APOH: variants seen among roughly 807,000 people sequenced by gnomAD.
APOH encodes the protein beta-2-glycoprotein 1.
APOH carries 48 observed loss-of-function variants against 39.8 expected under a neutral mutation model. The ratio of observed to expected loss-of-function variants is 1.21; its 90% CI spans 0.96 to 1.54. The LOEUF (loss-of-function observed/expected upper bound fraction) is 1.54. APOH is among the 40% of genes most tolerant of loss of function. The probability of loss-of-function intolerance (pLI) is 0.00; values close to 1 mark genes in which losing one functional copy is unlikely to be tolerated. For synonymous variants in APOH, 153 were observed against 151.1 expected (o/e 1.01, Z -0.09); for missense variants, 415 against 421.2 (o/e 0.99, Z 0.13).
Position 66,222,567 on chromosome 17 carries a change from C to CTTTTTTTT in APOH, c.415+1123_415+1130dup, listed in dbSNP as rs1178795590. 3.7e-4 allele frequency among the ~76,000 whole-genome samples: 31 copies of CTTTTTTTT among 84,876 alleles called. 1 individual carries two copies. Among genetic ancestry groups the CTTTTTTTT allele is most frequent in the Non-Finnish European group, 4.2e-4 (19 of 45,310 alleles). 55.7% of individuals were successfully genotyped at this position (84,876 alleles called of 152,430 possible). ...TTGAAATTGCTTTACTTTCCACTTG[C>CTTTTTTTT]TTTTTTTTTTTTTTTTTTTTTGAGA... On this transcript the variant is annotated intron_variant, in intron 4 of 7. Transcript: ENST00000205948.
intron 1 of APOH, among the ~76,000 whole-genome samples, chr17:66,228,940 C>A (rs2073456487): frequency 6.6e-6 from 1 of 151,972 alleles, no homozygotes; most frequent in Non-Finnish European, 1.5e-5. Flanking sequence ...TCAAGCAATT[C>A]TCCTGCCTCA....
intron 2 of APOH, among the ~76,000 whole-genome samples, chr17:66,226,747 C>T (rs1433746096): frequency 6.6e-6 from 1 of 151,920 alleles, no homozygotes; most frequent in Non-Finnish European, 1.5e-5. Flanking sequence ...TGTGGAGATA[C>T]AATTTTTATG....
chr17:66,228,076 C>G lies in APOH; in HGVS notation c.185G>C (p.Arg62Thr). Residue 62 changes from arginine (R) to threonine (T), a missense_variant, in exon 2 of 8, where the codon AGA (arginine) becomes ACA (threonine). Transcript: ENST00000205948. ...KPGYVSRGGM[R>T]KFICPLTGLW... ...TCCTGTGAGAGGGCAGATAAACTTT[C>G]TCATCCCTCCTCGGGACACATAGCC... The G allele has an allele frequency of 6.2e-7, 1 of 1,614,208 alleles. No homozygotes were observed.
chr17:66,216,312 A>G (rs2073365173), intron 6 of APOH, among the ~76,000 whole-genome samples: 1 of 152,068 alleles, frequency 6.6e-6, no homozygotes, highest in Non-Finnish European at 1.5e-5. Flanking sequence ...GCAAAGCCCC[A>G]TCTCTATTAA....
chr17:66,215,670 T>C (rs955182539), intron 6 of APOH, among the ~76,000 whole-genome samples: 2 of 152,172 alleles, frequency 1.3e-5, no homozygotes, highest in South Asian at 4.1e-4. Flanking sequence ...TAGGCTGTTG[T>C]TGTTCTTTAC....
At position 66,224,693 on chromosome 17, in the gene APOH, G is replaced by A. The variant is rs1373237668; in HGVS notation, c.339-919C>T. 1.3e-3 allele frequency among the ~76,000 whole-genome samples: 71 copies of A among 53,382 alleles called. 1 individual carries two copies. The highest frequency in any genetic ancestry group is 1.5e-3 in the Non-Finnish European group (36 of 24,042). 35.0% of individuals were successfully genotyped at this position (53,382 alleles called of 152,430 possible). On this transcript the variant is annotated intron_variant, in intron 3 of 7. Coordinates refer to ENST00000205948, the MANE Select transcript of APOH (RefSeq NM_000042.3). The stretch of plus-strand genomic sequence containing the variant: ...GAAGGGAAGGGAAGGGAAGGGAAGG[G>A]AAAGGAAAGGAAAGGAAAGGAAAGG...
Position 66,214,500 on chromosome 17 carries a change from T to A in APOH, c.935A>T (p.Asp312Val). ...GATAGTGCCATCTATACACTGAGCATCCTCTGTATAGCTACACTTCTTTTC... is the reference window on the plus strand; with the variant it reads ...GATAGTGCCATCTATACACTGAGCAACCTCTGTATAGCTACACTTCTTTTC... Reference protein sequence around the residue: ...NKEKKCSYTEDAQCIDGTIEV... With the variant: ...NKEKKCSYTEVAQCIDGTIEV... The change falls in exon 7 of 8, where the codon GAT becomes GTT. Residue 312 changes from aspartate (D) to valine (V), a missense_variant. Asp to Val is a radical substitution (Grantham distance 152). This residue lies in a region of APOH where 120 missense variants were observed against 110.6 expected (regional missense o/e 1.08). Coordinates refer to ENST00000205948, the MANE Select transcript of APOH (RefSeq NM_000042.3). 1 of 1,614,132 alleles carries A rather than the reference T, an allele frequency of 6.2e-7. No homozygotes were observed. The highest frequency in any genetic ancestry group is 8.5e-7 in the Non-Finnish European group (1 of 1,179,982).
At chr17:66,216,313 T>C (rs2073365188) in intron 6 of APOH, among the ~76,000 whole-genome samples, 1 of 151,956 alleles carries the variant, frequency 6.6e-6, no homozygotes, top group Non-Finnish European at 1.5e-5. Context: ...CAAAGCCCCA[T>C]CTCTATTAAA....
At chr17:66,216,740 A>C (rs761997422) in intron 6 of APOH, 48 bp downstream of exon 6, 1 of 1,484,252 alleles carries the variant, frequency 6.7e-7, no homozygotes, top group South Asian at 1.4e-5. Flanking sequence ...AAGGTGATCC[A>C]CTGTATCAAT....
intron 2 of APOH, among the ~76,000 whole-genome samples, chr17:66,226,418 A>C (rs1192001155): frequency 6.6e-6 from 1 of 152,198 alleles, no homozygotes; most frequent in Non-Finnish European, 1.5e-5. Context: ...AGGGTGGATC[A>C]CTTGAGGTCA....
At chr17:66,226,877 T>C (rs2146999718) in intron 2 of APOH, among the ~76,000 whole-genome samples, 1 of 125,174 alleles carries the variant, frequency 8.0e-6, no homozygotes. Flanking sequence ...AGCTGATTTT[T>C]ATTTTATTTA....
intron 7 of APOH, among the ~76,000 whole-genome samples, chr17:66,214,141 C>A (rs1487670745): frequency 6.6e-6 from 1 of 152,104 alleles, no homozygotes; most frequent in African/African-American, 2.4e-5. Context: ...CTCACTGCAA[C>A]CTCCACCTCC....
rs117588809 is a variant in APOH, at chr17:66,227,206, C to A, written c.241+814G>T. Among the ~76,000 whole-genome samples, 39 of 152,244 alleles carry A rather than the reference C, an allele frequency of 2.6e-4. No individual in the cohort carries two copies. The East Asian group carries it at 7.5e-3, about 29-fold the overall frequency. On this transcript the variant is annotated intron_variant, in intron 2 of 7. Coordinates refer to ENST00000205948, the MANE Select transcript of APOH (RefSeq NM_000042.3). ...GCCCTGATTTAAAGAAAAATTTTCC[C>A]TAATGATGTTACATTGGCTTTTTAC...
At chr17:66,224,478 AAAAAAAAAAAAAAG>A (rs1361067966) in intron 3 of APOH, among the ~76,000 whole-genome samples, 2 of 144,762 alleles carry the variant, frequency 1.4e-5, no homozygotes, top group African/African-American at 5.0e-5. Flanking sequence ...TGTAAAAAAA[AAAAAAAAAAAAAAG>A]AAAAGAAAAG....
intron 4 of APOH, among the ~76,000 whole-genome samples, chr17:66,221,466 C>CA (rs1483981626): frequency 6.7e-6 from 1 of 148,338 alleles, no homozygotes; most frequent in Non-Finnish European, 1.5e-5. Flanking sequence ...GTCAAAACAC[C>CA]AAAAAAATGA....
chr17:66,219,306 T>C (rs990050328), intron 5 of APOH, among the ~76,000 whole-genome samples: 2 of 152,154 alleles, frequency 1.3e-5, no homozygotes, highest in African/African-American at 4.8e-5. Flanking sequence ...TCGTAATATA[T>C]ACAACTTATT....
At chr17:66,213,892 C>T (rs190611666) in intron 7 of APOH, among the ~76,000 whole-genome samples, 16 of 151,732 alleles carry the variant, frequency 1.1e-4, no homozygotes, top group Admixed American at 8.5e-4. Flanking sequence ...GAGATGTGAT[C>T]GCAACACTGC....
chr17:66,224,487 AAAAAG>A lies in APOH; in HGVS notation c.339-718_339-714del, dbSNP rs1381614583. Among the ~76,000 whole-genome samples, 817 of 90,156 alleles carry A rather than the reference AAAAAG, an allele frequency of 9.1e-3. 27 individuals carry two copies. Among genetic ancestry groups the A allele is most frequent in the Middle Eastern group, 0.021 (4 of 188 alleles). 59.1% of individuals were successfully genotyped at this position (90,156 alleles called of 152,430 possible). On this transcript the variant is annotated intron_variant, in intron 3 of 7. Transcript: ENST00000205948. ...AGATCCTGTAAAAAAAAAAAAAAAA[AAAAAG>A]AAAAGAAAAGAAGGAAAGGAAGGAA...
intron 5 of APOH, among the ~76,000 whole-genome samples, chr17:66,218,401 C>T (rs2073378204): frequency 6.6e-6 from 1 of 152,046 alleles, no homozygotes; most frequent in Admixed American, 6.5e-5. Context: ...CCTCCCCCTC[C>T]TGGTTCAAGC....
Sources: gnomAD v4.1 joint callset for allele counts (sites outside exome capture counted in the v4.1 genomes callset) on GRCh38, gnomAD v4.1.1 for gene constraint, gnomAD v4.1.1 regional missense constraint, MANE v1.5 for transcripts, NCBI Gene and HGNC (gene_info 2026-07-23, HGNC 2026-07-21) for gene names.